Variants in CNTNAP2 observed in about 807,000 individuals in gnomAD.
The protein encoded by CNTNAP2 is contactin associated protein 2, also known as contactin-associated protein-like 2.
CNTNAP2 carries 98 observed loss-of-function variants against 155.2 expected under a neutral mutation model. The ratio of observed to expected loss-of-function variants is 0.63; its 90% CI spans 0.54 to 0.75. CNTNAP2 has a LOEUF of 0.75. Among genes scored for constraint, CNTNAP2 ranks in the 30% least tolerant of loss-of-function variants. The probability of loss-of-function intolerance (pLI) is 0.00; values close to 1 mark genes in which losing one functional copy is unlikely to be tolerated. For missense variants in CNTNAP2, 1,727 were observed against 1,688.1 expected (o/e 1.02, Z -0.40); for synonymous variants, 651 against 631.2 (o/e 1.03, Z -0.47).
At chr7:147,937,598 C>T (rs1800634470) in intron 14 of CNTNAP2, among the ~76,000 whole-genome samples, 1 of 152,098 alleles carries the variant, frequency 6.6e-6, no homozygotes, top group South Asian at 2.1e-4. Context: ...CTCCATGCGG[C>T]ATGGGCACTC....
intron 13 of CNTNAP2, among the ~76,000 whole-genome samples, chr7:147,703,858 C>G (rs540365547): frequency 2.6e-5 from 4 of 152,266 alleles, no homozygotes; most frequent in East Asian, 1.9e-4. Context: ...TCTCGCTCCC[C>G]CATGCACACA....
chr7:147,354,347 C>T (rs578233947), intron 9 of CNTNAP2, among the ~76,000 whole-genome samples: 65 of 151,812 alleles, frequency 4.3e-4, no homozygotes, highest in Non-Finnish European at 7.8e-4. Context: ...TTCAGTTTTC[C>T]GCATATGGCT....
intron 1 of CNTNAP2, among the ~76,000 whole-genome samples, chr7:146,492,317 T>C (rs184672481): frequency 2.6e-5 from 4 of 151,968 alleles, no homozygotes; most frequent in Admixed American, 2.6e-4. Context: ...AAAATAGAAT[T>C]TGACAAGCCA....
At chr7:147,794,714 G>C (rs954405262) in intron 13 of CNTNAP2, among the ~76,000 whole-genome samples, 1 of 151,420 alleles carries the variant, frequency 6.6e-6, no homozygotes, top group Non-Finnish European at 1.5e-5. Context: ...CACCAGTGAA[G>C]CTTGTACTTT....
chr7:147,553,300 T>G (rs1006966711), intron 11 of CNTNAP2, among the ~76,000 whole-genome samples: 6 of 151,768 alleles, frequency 4.0e-5, no homozygotes, highest in African/African-American at 1.5e-4. Flanking sequence ...AGAGAGGAGG[T>G]AAATGGAGAA....
intron 1 of CNTNAP2, among the ~76,000 whole-genome samples, chr7:146,625,061 A>T (rs533083005): frequency 5.9e-5 from 9 of 152,010 alleles, no homozygotes; most frequent in Non-Finnish European, 1.3e-4. Flanking sequence ...TTAGGTTTTC[A>T]AGTGCATTCA....
chr7:147,622,381 T>C (rs559133141), intron 12 of CNTNAP2, among the ~76,000 whole-genome samples: 269 of 152,192 alleles, frequency 1.8e-3, no homozygotes, highest in African/African-American at 6.3e-3. Flanking sequence ...AGACCATATG[T>C]TAGGTCACAA....
At chr7:146,192,730 C>T (rs1347964631) in intron 1 of CNTNAP2, among the ~76,000 whole-genome samples, 1 of 152,120 alleles carries the variant, frequency 6.6e-6, no homozygotes, top group Non-Finnish European at 1.5e-5. Flanking sequence ...TCTCATGTCC[C>T]CACATTTCAA....
intron 9 of CNTNAP2, among the ~76,000 whole-genome samples, chr7:147,356,194 A>G (rs776637949): frequency 6.6e-6 from 1 of 152,228 alleles, no homozygotes; most frequent in South Asian, 2.1e-4. Flanking sequence ...CTACATGATT[A>G]TCTTAATAGA....
chr7:148,051,490 C>A (rs1475117316), intron 15 of CNTNAP2, among the ~76,000 whole-genome samples: 1 of 151,710 alleles, frequency 6.6e-6, no homozygotes, highest in Non-Finnish European at 1.5e-5. Context: ...AATACAAAGC[C>A]ATCGTAATTA....
rs550061698 is a variant in CNTNAP2, at chr7:147,819,090, T to C, written c.2099-84475T>C. On this transcript the variant is annotated intron_variant, in intron 13 of 23. Transcript: ENST00000361727. ...AAGCTTGGGATAAAGCTCTGGTTAA[T>C]TCAGTTTCTGGATAAAAGAAAGAGT... 3.3e-5 allele frequency among the ~76,000 whole-genome samples: 5 copies of C among 152,286 alleles called. No homozygotes were observed. In the South Asian group the frequency reaches 8.3e-4, roughly 25 times the overall value.
chr7:146,717,961 C>A (rs1386975738), intron 1 of CNTNAP2, among the ~76,000 whole-genome samples: 1 of 152,020 alleles, frequency 6.6e-6, no homozygotes, highest in African/African-American at 2.4e-5. Context: ...TAAAATTAAG[C>A]AGCTTATTTG....
At chr7:146,350,246 T>A (rs1794892158) in intron 1 of CNTNAP2, among the ~76,000 whole-genome samples, 3 of 152,116 alleles carry the variant, frequency 2.0e-5, no homozygotes, top group Admixed American at 2.0e-4. Context: ...TACCCTTTCT[T>A]CCAGTTGATC....
At chr7:146,594,583 A>G in intron 1 of CNTNAP2, among the ~76,000 whole-genome samples, 1 of 152,072 alleles carries the variant, frequency 6.6e-6, no homozygotes, top group East Asian at 1.9e-4. Context: ...GGCTTTTAGG[A>G]GGTGATTTGT....
intron 1 of CNTNAP2, among the ~76,000 whole-genome samples, chr7:146,516,590 C>T (rs1489721767): frequency 6.6e-6 from 1 of 151,910 alleles, no homozygotes; most frequent in African/African-American, 2.4e-5. Flanking sequence ...AGTTCATCTC[C>T]TTATTAGTCT....
intron 14 of CNTNAP2, among the ~76,000 whole-genome samples, chr7:147,952,937 G>C (rs1446142691): frequency 2.0e-5 from 3 of 152,070 alleles, no homozygotes; most frequent in African/African-American, 7.2e-5. Flanking sequence ...GTCTAATTTT[G>C]CACCTGAGAA....
chr7:148,077,632 T>C (rs1803515358), intron 15 of CNTNAP2, among the ~76,000 whole-genome samples: 1 of 152,190 alleles, frequency 6.6e-6, no homozygotes, highest in Non-Finnish European at 1.5e-5. Flanking sequence ...AAATCTTTCT[T>C]TTTTTCGGAT....
chr7:146,930,337 T>C (rs984562080), intron 3 of CNTNAP2, among the ~76,000 whole-genome samples: 5 of 151,920 alleles, frequency 3.3e-5, no homozygotes, highest in Admixed American at 1.3e-4. Flanking sequence ...CCAGCCAAAC[T>C]AAGATTCATA....
intron 20 of CNTNAP2, among the ~76,000 whole-genome samples, chr7:148,245,957 G>T (rs1585213788): frequency 6.6e-6 from 1 of 152,176 alleles, no homozygotes; most frequent in South Asian, 2.1e-4. Context: ...TCTGGAACGA[G>T]CTCCAAACAT....
Sources: allele counts gnomAD v4.1 joint callset (sites outside exome capture counted in the v4.1 genomes callset), GRCh38; gene constraint gnomAD v4.1.1; transcripts MANE v1.5; gene names NCBI Gene and HGNC (gene_info 2026-07-23, HGNC 2026-07-21).